Variants in POLH observed in about 807,000 individuals in gnomAD.
The protein encoded by POLH is DNA polymerase eta transcript.
POLH carries 53 observed loss-of-function variants against 73.6 expected under a neutral mutation model. That is an observed-to-expected ratio of 0.72 (90% CI 0.58 to 0.91). The LOEUF (loss-of-function observed/expected upper bound fraction) is 0.91, where lower values mean the gene tolerates loss of function less well. Among genes scored for constraint, POLH ranks in the 40% least tolerant of loss-of-function variants. The probability of loss-of-function intolerance (pLI) is 0.00; values close to 1 mark genes in which losing one functional copy is unlikely to be tolerated. For synonymous variants in POLH, 292 were observed against 308.5 expected (o/e 0.95, Z 0.56); for missense variants, 768 against 865.4 (o/e 0.89, Z 1.41).
chr6:43,599,469 G>A lies in POLH; in HGVS notation c.661-1519G>A, dbSNP rs76286410. Among the ~76,000 whole-genome samples, 1,078 of 152,222 alleles carry A rather than the reference G, an allele frequency of 7.1e-3. 14 individuals carry two copies. Among genetic ancestry groups the A allele is most frequent in the African/African-American group, 0.025 (1,043 of 41,538 alleles). ...TCAACAATCCAGGAGCAGAATAACT[G>A]GTTTTCTGATTAATTATGAATAAAG... On this transcript the variant is annotated intron_variant, in intron 5 of 10. Coordinates refer to ENST00000372236, the MANE Select transcript of POLH (RefSeq NM_006502.3).
intron 9 of POLH, among the ~76,000 whole-genome samples, chr6:43,606,129 G>T (rs76587901): frequency 1.3e-5 from 2 of 150,498 alleles, no homozygotes; most frequent in African/African-American, 4.9e-5. Context: ...GCAAATTAAC[G>T]TATCTATCAT....
chr6:43,576,490 T>A (rs1441002613), intron 1 of POLH, 50 bp downstream of exon 1: 2 of 152,246 alleles, frequency 1.3e-5, no homozygotes, highest in African/African-American at 4.8e-5. Context: ...ACTTTCTATG[T>A]TGCCTTGGCT....
chr6:43,601,133 G>A (rs750486517), intron 6 of POLH, 42 bp downstream of exon 6: 1 of 1,327,452 alleles, frequency 7.5e-7, no homozygotes, highest in Non-Finnish European at 1.1e-6. Flanking sequence ...TTCTATCCAT[G>A]TGTAGAAACT....
chr6:43,587,138 T>C, intron 3 of POLH, 134 bp from the exon 4 acceptor site: 2 of 767,846 alleles, frequency 2.6e-6, no homozygotes, highest in East Asian at 4.9e-5. Flanking sequence ...CAGTTACTAT[T>C]GTCTAGTCTC....
chr6:43,586,476 C>T (rs1764832250), intron 3 of POLH, among the ~76,000 whole-genome samples: 1 of 152,084 alleles, frequency 6.6e-6, no homozygotes, highest in East Asian at 1.9e-4. Flanking sequence ...AGCGAGACTT[C>T]ATCTCGAAAA....
At chr6:43,580,629 CT>C (rs1763977130) in intron 1 of POLH, among the ~76,000 whole-genome samples, 1 of 130,294 alleles carries the variant, frequency 7.7e-6, no homozygotes, top group South Asian at 2.5e-4. Context: ...AGAGGCGCCC[CT>C]CACCTCCCGG....
intron 1 of POLH, among the ~76,000 whole-genome samples, chr6:43,581,832 G>T (rs1225640083): frequency 1.3e-5 from 2 of 151,034 alleles, no homozygotes; most frequent in East Asian, 3.9e-4. Flanking sequence ...TGGCCGGACG[G>T]GCTCCCTAAG....
chr6:43,604,115 T>G, intron 7 of POLH, 104 bp downstream of exon 7: 2 of 965,984 alleles, frequency 2.1e-6, no homozygotes, highest in East Asian at 5.0e-5. Context: ...TAGGTTAACA[T>G]TTGTTTCTTG....
At chr6:43,580,902 C>G (rs1262410984) in intron 1 of POLH, among the ~76,000 whole-genome samples, 9 of 148,910 alleles carry the variant, frequency 6.0e-5, no homozygotes, top group African/African-American at 2.0e-4. Flanking sequence ...CTGACCCCCC[C>G]ACCTCCCTCC....
chr6:43,582,623 A>T (rs1184384712), intron 2 of POLH, among the ~76,000 whole-genome samples, 167 bp downstream of exon 2: 2 of 152,062 alleles, frequency 1.3e-5, no homozygotes, highest in East Asian at 3.9e-4. Flanking sequence ...CCTGGGCTCA[A>T]GTGATCATCC....
intron 3 of POLH, among the ~76,000 whole-genome samples, chr6:43,583,817 G>A (rs554798649): frequency 1.3e-5 from 2 of 152,182 alleles, no homozygotes; most frequent in Non-Finnish European, 2.9e-5. Context: ...AAGGAATCAA[G>A]TTCAGAGAAG....
intron 5 of POLH, among the ~76,000 whole-genome samples, chr6:43,598,649 AAAAAG>A (rs907194591): frequency 2.0e-5 from 3 of 151,934 alleles, no homozygotes; most frequent in Non-Finnish European, 4.4e-5. Flanking sequence ...AAAAAAAAAG[AAAAAG>A]AAAAGAAAAA....
chr6:43,600,537 T>C (rs1766620441), intron 5 of POLH, among the ~76,000 whole-genome samples: 1 of 152,248 alleles, frequency 6.6e-6, no homozygotes. Context: ...TACTATATTA[T>C]GATAATTTGT....
Position 43,613,825 on chromosome 6 carries a change from G to A in POLH, c.1410G>A (p.Val470=). The part of the protein sequence containing the change: ...EAKTQGSGPA[V]TATKKATTSL... ...AGACCCAGGGAAGTGGCCCAGCGGTGACAGCCACTAAGAAAGCAACCACGT... is the reference window on the plus strand; with the variant it reads ...AGACCCAGGGAAGTGGCCCAGCGGTAACAGCCACTAAGAAAGCAACCACGT... The change falls in exon 11 of 11, where the codon GTG becomes GTA. Residue 470 remains valine (V), a synonymous_variant. Coordinates refer to ENST00000372236, the MANE Select transcript of POLH (RefSeq NM_006502.3). 6.2e-7 allele frequency: 1 copy of A among 1,614,168 alleles called. No homozygotes were observed. The highest frequency in any genetic ancestry group is 8.5e-7 in the Non-Finnish European group (1 of 1,180,032).
intron 1 of POLH, among the ~76,000 whole-genome samples, chr6:43,580,647 C>T (rs1401742622): frequency 7.6e-6 from 1 of 132,406 alleles, no homozygotes; most frequent in African/African-American, 3.1e-5. Context: ...CCGGACGGGG[C>T]GGCTGGCCGG....
chr6:43,578,743 G>A (rs1277208999), intron 1 of POLH, among the ~76,000 whole-genome samples: 2 of 152,136 alleles, frequency 1.3e-5, no homozygotes, highest in Non-Finnish European at 2.9e-5. Context: ...AGAGTAAAAG[G>A]TTGACATTTT....
intron 1 of POLH, among the ~76,000 whole-genome samples, chr6:43,581,018 G>A (rs1199461850): frequency 4.3e-3 from 541 of 126,820 alleles, no homozygotes; most frequent in South Asian, 8.0e-3. Context: ...CCTCCCGGAC[G>A]GGGTGGCTGC....
rs775894912 is a variant in POLH, at chr6:43,614,115, T to C, written c.1700T>C (p.Leu567Ser). Residue 567 changes from leucine to serine, a missense_variant, in exon 11 of 11, where the codon TTA becomes TCA. Leu to Ser is a moderately radical substitution (Grantham distance 145). Transcript: ENST00000372236. The stretch of plus-strand genomic sequence containing the variant: ...AACTGTAAAGCATTACCAAACTCTT[T>C]ACCAACAGAGTATCCAGGGTGTGTC... ...WSNCKALPNS[L>S]PTEYPGCVPV... 10 of 1,614,098 alleles carry C rather than the reference T, an allele frequency of 6.2e-6. No individual in the cohort carries two copies. In the Admixed American group the frequency reaches 1.2e-4, roughly 19 times the overall value.
rs60046548 is a variant in POLH, at chr6:43,619,364, C to CAAAAAAAAA, written c.*4829_*4837dup. Among the ~76,000 whole-genome samples the CAAAAAAAAA allele has an allele frequency of 2.7e-5, 1 of 37,086 alleles. No homozygotes were observed. 24.3% of individuals were successfully genotyped at this position (37,086 alleles called of 152,430 possible). A position where few individuals can be genotyped will look rare whatever the true frequency, so the allele number is the denominator to read the frequency against. ...TGGGTGACAGTCTGAGACCCTGTCT[C>CAAAAAAAAA]AAAAAAAAAAAAAAAAAAAAAAAAA... On this transcript the variant is annotated 3_prime_UTR_variant, in exon 11 of 11. Coordinates refer to ENST00000372236, the MANE Select transcript of POLH (RefSeq NM_006502.3).
Sources: allele counts gnomAD v4.1 joint callset (sites outside exome capture counted in the v4.1 genomes callset), GRCh38; gene constraint gnomAD v4.1.1; transcripts MANE v1.5; gene names NCBI Gene and HGNC (gene_info 2026-07-23, HGNC 2026-07-21).